The following CTNNA2 variants were observed in gnomAD, a reference collection of about 807,000 sequenced individuals.
CTNNA2 encodes the protein catenin alpha-2.
Under a neutral mutation model 101.0 loss-of-function variants are expected in CTNNA2, and 42 were observed. That is an observed-to-expected ratio of 0.42 (90% CI 0.32 to 0.54). The LOEUF (loss-of-function observed/expected upper bound fraction) is 0.54, where lower values mean the gene tolerates loss of function less well. CTNNA2 is among the 20% of genes least tolerant of loss of function. The pLI is 0.14. For missense variants in CTNNA2, 871 were observed against 1,223.1 expected, an observed-to-expected ratio of 0.71 and a Z score of 4.29; for synonymous variants, 450 against 456.4, an observed-to-expected ratio of 0.99 and a Z score of 0.18.
chr2:80,003,274 C>T (rs1371115730), intron 7 of CTNNA2, among the ~76,000 whole-genome samples: 3 of 152,076 alleles, frequency 2.0e-5, no homozygotes, highest in East Asian at 3.8e-4. Context: ...TTTTGCCCCA[C>T]CTTCTCTTAA....
intron 7 of CTNNA2, among the ~76,000 whole-genome samples, chr2:80,165,300 T>C (rs867116514): frequency 1.4e-5 from 2 of 141,782 alleles, no homozygotes; most frequent in African/African-American, 5.8e-5. Context: ...TTTTCTTTCC[T>C]TTTTTTTTTA....
chr2:79,681,348 A>C (rs1299986220), intron 2 of CTNNA2, among the ~76,000 whole-genome samples: 2 of 152,330 alleles, frequency 1.3e-5, no homozygotes, highest in African/African-American at 4.8e-5. Flanking sequence ...CCTTCCAGTG[A>C]GACCACATCA....
At chr2:79,739,567 C>T (rs1671135168) in intron 2 of CTNNA2, among the ~76,000 whole-genome samples, 1 of 152,104 alleles carries the variant, frequency 6.6e-6, no homozygotes, top group South Asian at 2.1e-4. Flanking sequence ...TTTTAAAATA[C>T]AGATTTAGGG....
chr2:79,692,502 C>T (rs1312023318), intron 2 of CTNNA2, among the ~76,000 whole-genome samples: 1 of 152,006 alleles, frequency 6.6e-6, no homozygotes, highest in East Asian at 1.9e-4. Context: ...CCATTTGACC[C>T]AGCAATCCCA....
rs143188832 is a variant in CTNNA2, at chr2:80,592,278, C to T, written c.2189+2793C>T. On this transcript the variant is annotated intron_variant, in intron 15 of 18. Coordinates refer to ENST00000402739, the MANE Select transcript of CTNNA2 (RefSeq NM_001282597.3). The stretch of plus-strand genomic sequence containing the variant: ...ATGCTCAGTACCTCAGCTTAGGGAG[C>T]GCTTTACTGGTCTTTCAGTTCCAAT... 4.6e-3 allele frequency among the ~76,000 whole-genome samples: 695 copies of T among 152,186 alleles called. 2 individuals carry two copies. Among genetic ancestry groups the T allele is most frequent in the African/African-American group, 0.016 (661 of 41,536 alleles).
intron 7 of CTNNA2, among the ~76,000 whole-genome samples, chr2:80,004,769 C>T (rs1367947509): frequency 1.3e-5 from 2 of 151,824 alleles, no homozygotes; most frequent in African/African-American, 4.8e-5. Flanking sequence ...GTGGCACGAT[C>T]TCAGCTCACT....
At chr2:80,291,018 C>T (rs1675190236) in intron 7 of CTNNA2, among the ~76,000 whole-genome samples, 1 of 152,200 alleles carries the variant, frequency 6.6e-6, no homozygotes, top group African/African-American at 2.4e-5. Context: ...CTGTCCAAAG[C>T]TGGGACAGAG....
intron 7 of CTNNA2, among the ~76,000 whole-genome samples, chr2:79,932,482 CTT>C (rs1029906838): frequency 1.7e-3 from 232 of 140,530 alleles, no homozygotes; most frequent in African/African-American, 5.7e-3. Flanking sequence ...GTGTGAGATT[CTT>C]TTTTTTTTTT....
At chr2:80,615,439 G>A (rs886806225) in intron 17 of CTNNA2, among the ~76,000 whole-genome samples, 8 of 151,472 alleles carry the variant, frequency 5.3e-5, no homozygotes, top group Admixed American at 3.3e-4. Flanking sequence ...TTTTGACTGA[G>A]TTGGGAATTT....
intron 3 of CTNNA2, among the ~76,000 whole-genome samples, chr2:79,840,296 C>G (rs1308930948): frequency 1.3e-5 from 2 of 152,186 alleles, no homozygotes; most frequent in Non-Finnish European, 2.9e-5. Flanking sequence ...GACAACTGTA[C>G]AGTTCTATTT....
intron 12 of CTNNA2, among the ~76,000 whole-genome samples, 190 bp downstream of exon 12, chr2:80,556,083 A>G (rs1173853681): frequency 1.3e-5 from 2 of 152,222 alleles, no homozygotes; most frequent in Non-Finnish European, 2.9e-5. Context: ...GGAGAATGAC[A>G]GTTGTACTGC....
At chr2:80,384,543 G>T (rs1676818513) in intron 7 of CTNNA2, among the ~76,000 whole-genome samples, 1 of 151,724 alleles carries the variant, frequency 6.6e-6, no homozygotes, top group Non-Finnish European at 1.5e-5. Context: ...CCTTAATGAG[G>T]ATGATGAGGG....
At chr2:80,237,437 C>T (rs1017918289) in intron 7 of CTNNA2, among the ~76,000 whole-genome samples, 1 of 152,030 alleles carries the variant, frequency 6.6e-6, no homozygotes, top group African/African-American at 2.4e-5. Context: ...GGATGTGTCT[C>T]ATTGTAAGTT....
At chr2:80,583,721 G>A (rs546482833) in intron 14 of CTNNA2, among the ~76,000 whole-genome samples, 8 of 152,072 alleles carry the variant, frequency 5.3e-5, no homozygotes, top group Non-Finnish European at 1.2e-4. Flanking sequence ...GAATAGAGTC[G>A]CAATATACTT....
intron 18 of CTNNA2, among the ~76,000 whole-genome samples, chr2:80,631,842 T>A (rs1663618837): frequency 1.3e-5 from 2 of 152,186 alleles, no homozygotes; most frequent in South Asian, 4.1e-4. Context: ...CTCAGTTTCC[T>A]ATCTGTAGAA....
intron 7 of CTNNA2, among the ~76,000 whole-genome samples, chr2:79,938,961 G>A (rs888475133): frequency 6.6e-6 from 1 of 152,170 alleles, no homozygotes; most frequent in Non-Finnish European, 1.5e-5. Context: ...ATCACTGACA[G>A]ACAATGCCAT....
intron 4 of CTNNA2, among the ~76,000 whole-genome samples, chr2:79,472,457 G>A (rs904447035): frequency 6.6e-6 from 1 of 152,138 alleles, no homozygotes; most frequent in East Asian, 1.9e-4. Context: ...GATGACCTCT[G>A]AATCACCTTG....
Position 80,215,085 on chromosome 2 carries a change from C to T in CTNNA2, c.1057-178126C>T, listed in dbSNP as rs369365223. On this transcript the variant is annotated intron_variant, in intron 7 of 18. Transcript: ENST00000402739. Reference sequence around the variant, plus strand: ...GCTTATGCATTCATCACATAGTTCTCGTGCCATGGTTTTCAGCTCCATCAG... The same window carrying T: ...GCTTATGCATTCATCACATAGTTCTTGTGCCATGGTTTTCAGCTCCATCAG... Among the ~76,000 whole-genome samples, 21 of 152,206 alleles carry T rather than the reference C, an allele frequency of 1.4e-4. No individual in the cohort carries two copies. In the East Asian group the frequency reaches 3.5e-3, roughly 25 times the overall value.
At position 80,183,378 on chromosome 2, in the gene CTNNA2, A is replaced by G. The variant is rs7565045; in HGVS notation, c.1057-209833A>G. ...CTTATTTTACTACAGCACAGCTAGC[A>G]CCCATATTTTTACCTCCAATCATAG... On this transcript the variant is annotated intron_variant, in intron 7 of 18. Coordinates refer to ENST00000402739, the MANE Select transcript of CTNNA2 (RefSeq NM_001282597.3). Among the ~76,000 whole-genome samples the G allele has an allele frequency of 1.6e-3, 244 of 152,288 alleles. 1 individual carries two copies. The highest frequency in any genetic ancestry group is 5.7e-3 in the African/African-American group (235 of 41,556).
Sources: allele counts gnomAD v4.1 joint callset (sites outside exome capture counted in the v4.1 genomes callset), GRCh38; gene constraint gnomAD v4.1.1; transcripts MANE v1.5; gene names NCBI Gene and HGNC (gene_info 2026-07-23, HGNC 2026-07-21).